CDH13: variants seen among roughly 807,000 people sequenced by gnomAD.
CDH13 encodes cadherin-13.
CDH13 carries 24 observed loss-of-function variants against 63.8 expected under a neutral mutation model. That is an observed-to-expected ratio of 0.38 (90% CI 0.27 to 0.53). CDH13 has a LOEUF of 0.53. Among genes scored for constraint, CDH13 ranks in the 20% least tolerant of loss-of-function variants. The pLI, the probability that CDH13 is intolerant of heterozygous loss-of-function variation, is 0.85. For synonymous variants in CDH13, 503 were observed against 355.3 expected (o/e 1.42, Z -4.67); for missense variants, 1,049 against 903.1 (o/e 1.16, Z -2.07).
At chr16:83,695,732 TAGAA>T (rs1905310845) in intron 10 of CDH13, among the ~76,000 whole-genome samples, 1 of 152,150 alleles carries the variant, frequency 6.6e-6, no homozygotes, top group Non-Finnish European at 1.5e-5. Flanking sequence ...AGTAACTAAA[TAGAA>T]AGTCTAGAAA....
intron 8 of CDH13, among the ~76,000 whole-genome samples, chr16:83,613,702 G>A (rs189898447): frequency 7.2e-5 from 11 of 152,068 alleles, no homozygotes; most frequent in Admixed American, 2.6e-4. Context: ...GCGTGGTGGC[G>A]CCCACCTGTA....
Position 83,372,749 on chromosome 16 carries a change from T to TCAAA in CDH13, c.781+27743_781+27744insCAAA, listed in dbSNP as rs1555537364. On this transcript the variant is annotated intron_variant, in intron 6 of 13. Coordinates refer to ENST00000567109, the MANE Select transcript of CDH13 (RefSeq NM_001257.5). ...CCTGGTGACAGAGCGAGACTCGGTC[T>TCAAA]AAAAAAAAAAAAAAAAAAAAAAAAG... Among the ~76,000 whole-genome samples, 49 of 95,568 alleles carry TCAAA rather than the reference T, an allele frequency of 5.1e-4. 1 individual carries two copies. Among genetic ancestry groups the TCAAA allele is most frequent in the African/African-American group, 1.8e-3 (43 of 24,114 alleles). The allele number at this position is 95,568 out of a possible 152,430, so 62.7% of individuals were successfully genotyped here.
At chr16:83,612,893 A>G (rs1908977913) in intron 8 of CDH13, among the ~76,000 whole-genome samples, 1 of 152,006 alleles carries the variant, frequency 6.6e-6, no homozygotes, top group Non-Finnish European at 1.5e-5. Flanking sequence ...CCTTTGTATT[A>G]TTATTTATTT....
chr16:82,845,963 C>T (rs1414607165), intron 1 of CDH13, among the ~76,000 whole-genome samples: 2 of 152,152 alleles, frequency 1.3e-5, no homozygotes, highest in South Asian at 4.1e-4. Flanking sequence ...AGAGTTAATT[C>T]CATTTAGACA....
chr16:83,432,587 G>A (rs1318764782), intron 6 of CDH13, among the ~76,000 whole-genome samples: 1 of 152,186 alleles, frequency 6.6e-6, no homozygotes, highest in African/African-American at 2.4e-5. Context: ...CTTTTAGACT[G>A]AACTTGAGAA....
intron 7 of CDH13, among the ~76,000 whole-genome samples, chr16:83,545,609 T>G (rs943273466): frequency 2.0e-5 from 3 of 152,180 alleles, no homozygotes; most frequent in African/African-American, 4.8e-5. Context: ...AAAGTCCTTC[T>G]AATGAAAAAG....
intron 3 of CDH13, among the ~76,000 whole-genome samples, chr16:83,039,151 C>T (rs113421958): frequency 2.0e-5 from 3 of 152,216 alleles, no homozygotes; most frequent in Admixed American, 6.5e-5. Flanking sequence ...AGGCTATATA[C>T]GCTTGGATCC....
At chr16:83,674,410 C>G (rs1914778252) in intron 9 of CDH13, among the ~76,000 whole-genome samples, 1 of 152,202 alleles carries the variant, frequency 6.6e-6, no homozygotes, top group East Asian at 1.9e-4. Flanking sequence ...AGAAGGTGCT[C>G]TTATGAGACC....
rs1598394682 is a variant in CDH13 at position 83,631,286 on chromosome 16, T to C, written c.1101+28692T>C. Reference sequence around the variant, plus strand: ...ACTTGCCGGAGTCTCTAGTTTCACATGGAAAACTGCCCTGTGTCCATAAAT... The same window carrying C: ...ACTTGCCGGAGTCTCTAGTTTCACACGGAAAACTGCCCTGTGTCCATAAAT... On this transcript the variant is annotated intron_variant, in intron 8 of 13. Coordinates refer to ENST00000567109, the MANE Select transcript of CDH13 (RefSeq NM_001257.5). Among the ~76,000 whole-genome samples the C allele has an allele frequency of 7.2e-5, 11 of 152,282 alleles. 1 individual carries two copies. In the South Asian group the frequency reaches 2.3e-3, roughly 32 times the overall value.
chr16:83,206,192 T>C (rs2039176485), intron 4 of CDH13, among the ~76,000 whole-genome samples: 1 of 152,204 alleles, frequency 6.6e-6, no homozygotes, highest in African/African-American at 2.4e-5. Context: ...TGCTTCTTAA[T>C]ATCACAACCA....
chr16:83,632,560 A>T (rs992923319), intron 8 of CDH13, among the ~76,000 whole-genome samples: 1 of 151,758 alleles, frequency 6.6e-6, no homozygotes, highest in Non-Finnish European at 1.5e-5. Flanking sequence ...TAATGCACCC[A>T]GGTTACAGCA....
At chr16:83,249,112 T>C (rs920661041) in intron 5 of CDH13, among the ~76,000 whole-genome samples, 2 of 152,232 alleles carry the variant, frequency 1.3e-5, no homozygotes, top group Non-Finnish European at 2.9e-5. Context: ...CCAACTTTTC[T>C]CTGCTGGACC....
At chr16:83,430,009 G>A (rs1319886317) in intron 6 of CDH13, among the ~76,000 whole-genome samples, 2 of 152,156 alleles carry the variant, frequency 1.3e-5, no homozygotes, top group East Asian at 1.9e-4. Context: ...AAATTGGACT[G>A]TTTTAGGTAC....
intron 2 of CDH13, among the ~76,000 whole-genome samples, chr16:82,900,530 T>C (rs909224514): frequency 2.0e-5 from 3 of 152,186 alleles, no homozygotes; most frequent in African/African-American, 4.8e-5. Context: ...GTGGGTAGAA[T>C]TGAGAAAAGG....
intron 2 of CDH13, among the ~76,000 whole-genome samples, chr16:83,029,510 A>C (rs1476960075): frequency 1.3e-5 from 2 of 152,244 alleles, no homozygotes; most frequent in Admixed American, 6.5e-5. Flanking sequence ...CCTGGATACT[A>C]TACAGTGATC....
At chr16:83,477,187 C>T (rs1008927424) in intron 6 of CDH13, among the ~76,000 whole-genome samples, 1 of 152,214 alleles carries the variant, frequency 6.6e-6, no homozygotes, top group Non-Finnish European at 1.5e-5. Flanking sequence ...GTCCTGTTGC[C>T]ATCATCTCTT....
chr16:82,882,346 A>G (rs2040734008), intron 2 of CDH13, among the ~76,000 whole-genome samples: 1 of 152,158 alleles, frequency 6.6e-6, no homozygotes, highest in Admixed American at 6.5e-5. Context: ...AGGCATGAAG[A>G]GTCACTCACT....
At position 82,846,697 on chromosome 16, in the gene CDH13, C is replaced by A. The variant is rs138459836; in HGVS notation, c.46-11665C>A. ...ATTATATGTCCATGTGTCTGTCTTT[C>A]CTTCTAGATAATAAGTTTTTTAAGG... On this transcript the variant is annotated intron_variant, in intron 1 of 13. Transcript: ENST00000567109. Among the ~76,000 whole-genome samples, 742 of 152,264 alleles carry A rather than the reference C, an allele frequency of 4.9e-3. 15 individuals carry two copies. Among genetic ancestry groups the A allele is most frequent in the East Asian group, 0.039 (200 of 5,190 alleles).
chr16:83,221,641 G>A (rs545602359), intron 5 of CDH13, among the ~76,000 whole-genome samples: 6 of 151,168 alleles, frequency 4.0e-5, no homozygotes, highest in South Asian at 2.1e-4. Flanking sequence ...TCTGTTAGGC[G>A]AGTGGGGGAG....
Sources: gnomAD v4.1 joint callset for allele counts (sites outside exome capture counted in the v4.1 genomes callset) on GRCh38, gnomAD v4.1.1 for gene constraint, MANE v1.5 for transcripts, NCBI Gene and HGNC (gene_info 2026-07-23, HGNC 2026-07-21) for gene names.